The following KCNC3 variants were observed in gnomAD, a reference collection of about 807,000 sequenced individuals.
KCNC3 encodes potassium voltage-gated channel subfamily C member 3.
In KCNC3, 22 loss-of-function variants were observed where a neutral mutation model predicts 43.9. That is an observed-to-expected ratio of 0.50 (90% CI 0.36 to 0.72). The LOEUF (loss-of-function observed/expected upper bound fraction) is 0.72, where lower values mean the gene tolerates loss of function less well. Among genes scored for constraint, KCNC3 ranks in the 30% least tolerant of loss-of-function variants. KCNC3 has a pLI of 0.00. For missense variants in KCNC3, 829 were observed against 1,073.8 expected, an observed-to-expected ratio of 0.77 and a Z score of 3.19; for synonymous variants, 492 against 488.0, an observed-to-expected ratio of 1.01 and a Z score of -0.11.
Position 50,320,635 on chromosome 19 carries a change from G to C in KCNC3, c.2128C>G (p.Leu710Val). The stretch of plus-strand genomic sequence containing the variant: ...TCAGGGGAAGGGGCATAGTCGGTGA[G>C]GAGGAAGCAGGCTCGGTCCCGGCTA... ...RYSRDRACFL[L>V]TDYAPSPDGS... Residue 710 changes from leucine (L) to valine (V), a missense_variant, in exon 3 of 5, where the codon CTC (leucine) becomes GTC (valine). This residue lies in a region of KCNC3 where 308 missense variants were observed against 276.2 expected (regional missense o/e 1.11). Transcript: ENST00000477616. 1 of 1,613,132 alleles carries C rather than the reference G, an allele frequency of 6.2e-7. No individual in the cohort carries two copies. The highest frequency in any genetic ancestry group is 1.3e-5 in the African/African-American group (1 of 74,962).
Position 50,328,403 on chromosome 19 carries a change from T to G in KCNC3, c.680A>C (p.Glu227Ala). 7.7e-7 allele frequency: 1 copy of G among 1,290,750 alleles called. No homozygotes were observed. The highest frequency in any genetic ancestry group is 9.8e-7 in the Non-Finnish European group (1 of 1,021,950). 80.0% of individuals were successfully genotyped at this position (1,290,750 alleles called of 1,614,324 possible). Residue 227 changes from glutamate to alanine, a missense_variant, in exon 1 of 5, where the codon GAG (glutamate) becomes GCG (alanine). This residue lies in a region of KCNC3 where 60 missense variants were observed against 56.0 expected (regional missense o/e 1.07). Transcript: ENST00000477616. Reference protein sequence around the residue: ...AGAHDGGLDDEAGAGGGGLDG... With the variant: ...AGAHDGGLDDAAGAGGGGLDG... ...CAGGCCGCCGCCGCCCGCGCCCGCC[T>G]CGTCGTCCAGGCCTCCGTCGTGGGC...
chr19:50,316,003 AC>A lies in KCNC3; in HGVS notation c.*111del. 6.9e-6 allele frequency: 1 copy of A among 144,910 alleles called. No homozygotes were observed. Among genetic ancestry groups the A allele is most frequent in the Admixed American group, 1.0e-4 (1 of 9,862 alleles). The allele number at this position is 144,910 out of a possible 1,614,324, so 9.0% of individuals were successfully genotyped here. A position where few individuals can be genotyped will look rare whatever the true frequency, so the allele number is the denominator to read the frequency against. On this transcript the variant is annotated 3_prime_UTR_variant, in exon 5 of 5. Transcript: ENST00000477616. ...ATTTGAAGCCCAGTGTCTTGGGGAC[AC>A]CCCCTCCCAGCCATTCCCAATTGCT...
chr19:50,323,273 GTTC>G lies in KCNC3; in HGVS notation c.1677_1679del (p.Lys559del), dbSNP rs773187972. The G allele has an allele frequency of 3.1e-6, 5 of 1,607,670 alleles. No homozygotes were observed. Among genetic ancestry groups the G allele is most frequent in the African/African-American group, 1.3e-5 (1 of 75,046 alleles). On this transcript the variant is annotated inframe_deletion, in exon 2 of 5. Transcript: ENST00000477616. ...GTTGCGGGGGCCGGGGGATGTGTTT[GTTC>G]TTCTTCTTGGGCAGCTTCTGCTTGG...
At chr19:50,331,571 C>T (rs555572611), upstream of KCNC3, among the ~76,000 whole-genome samples, 5 of 125,640 alleles carry the variant, frequency 4.0e-5, no homozygotes, top group Admixed American at 1.6e-4. Context: ...TGTATTTCCC[C>T]CTCCTTCTTC....
chr19:50,332,998 ACT>A (rs916874742), upstream of KCNC3, among the ~76,000 whole-genome samples: 7 of 151,720 alleles, frequency 4.6e-5, no homozygotes, highest in African/African-American at 1.7e-4. This position sits in a 1 kb window ranked among gnomAD's most constrained non-coding sequence, Gnocchi z 5.8. Context: ...AAATGTGAGG[ACT>A]CTCTGCCTAC....
chr19:50,315,233 A>T lies in KCNC3; in HGVS notation c.*882T>A, dbSNP rs953872322. On this transcript the variant is annotated 3_prime_UTR_variant, in exon 5 of 5. Transcript: ENST00000477616. ...AGATGGACCAAGGAGATGGAGAGAG[A>T]AAGTGAACAAATCGGGGAGTCAGTC... 3.9e-5 allele frequency among the ~76,000 whole-genome samples: 6 copies of T among 151,952 alleles called. No homozygotes were observed. Among genetic ancestry groups the T allele is most frequent in the African/African-American group, 1.4e-4 (6 of 41,422 alleles).
rs759034288 is a variant in KCNC3, at chr19:50,323,399, C to T, written c.1554G>A (p.Leu518=). The part of the protein sequence containing the change: ...DMYPKTWSGM[L]VGALCALAGV... ...CCGCCAGGGCACACAGCGCCCCGAC[C>T]AGCATCCCCGACCACGTCTTGGGGT... The change falls in exon 2 of 5, where the codon CTG becomes CTA. Residue 518 remains leucine (L), a synonymous_variant. Coordinates refer to ENST00000477616, the MANE Select transcript of KCNC3 (RefSeq NM_004977.3). The T allele has an allele frequency of 3.1e-6, 5 of 1,614,084 alleles. No individual in the cohort carries two copies. The highest frequency in any genetic ancestry group is 4.5e-5 in the East Asian group (2 of 44,898).
intron 1 of KCNC3, among the ~76,000 whole-genome samples, chr19:50,326,023 G>A (rs1227633263): frequency 6.6e-6 from 1 of 152,214 alleles, no homozygotes; most frequent in East Asian, 1.9e-4. Context: ...AGGGGTAGGA[G>A]GGCATGGAGT....
Position 50,328,818 on chromosome 19 carries a change from T to C in KCNC3, c.265A>G (p.Lys89Glu). 6.6e-7 allele frequency: 1 copy of C among 1,512,428 alleles called. No homozygotes were observed. The highest frequency in any genetic ancestry group is 8.8e-7 in the Non-Finnish European group (1 of 1,134,914). 93.7% of individuals were successfully genotyped at this position (1,512,428 alleles called of 1,614,324 possible). A position where few individuals can be genotyped will look rare whatever the true frequency, so the allele number is the denominator to read the frequency against. Residue 89 changes from lysine (K) to glutamate (E), a missense_variant, in exon 1 of 5, where the codon AAG becomes GAG. This residue lies in a region of KCNC3 where 121 missense variants were observed against 247.4 expected (regional missense o/e 0.49). Transcript: ENST00000477616. ...RHGGGGGDSGKIVINVGGVRH... is the reference protein window; with the variant it reads ...RHGGGGGDSGEIVINVGGVRH... The stretch of plus-strand genomic sequence containing the variant: ...ACGCCGCCCACGTTGATCACGATCT[T>C]GCCGCTGTCGCCACCGCCGCCGCCG...
chr19:50,323,066 A>C lies in KCNC3; in HGVS notation c.1887T>G (p.Gly629=). Residue 629 remains glycine (G), a synonymous_variant, in exon 2 of 5, where the codon GGT becomes GGG. Transcript: ENST00000477616. ...THPGLLRGGA[G]GLGIMGLPPL... ...GAGGCAGCCCCATGATCCCCAGCCC[A>C]CCCGCTCCCCCCCTGAGCAGCCCGG... 6.5e-7 allele frequency: 1 copy of C among 1,537,736 alleles called. No homozygotes were observed. The highest frequency in any genetic ancestry group is 8.8e-7 in the Non-Finnish European group (1 of 1,142,454).
chr19:50,325,372 A>G (rs1327021130), intron 1 of KCNC3, among the ~76,000 whole-genome samples: 1 of 152,132 alleles, frequency 6.6e-6, no homozygotes, highest in Non-Finnish European at 1.5e-5. Flanking sequence ...CGGGGAGGCC[A>G]CTGCTGGACC....
intron 3 of KCNC3, 89 bp from the exon 4 acceptor site, chr19:50,320,438 G>A (rs982396660): frequency 1.6e-4 from 109 of 661,376 alleles, no homozygotes; most frequent in Middle Eastern, 3.1e-4. Flanking sequence ...AACTTGGGGC[G>A]GGGGTACAGG....
At chr19:50,332,771 C>G (rs888593465), upstream of KCNC3, among the ~76,000 whole-genome samples, 1 of 152,130 alleles carries the variant, frequency 6.6e-6, no homozygotes, top group Non-Finnish European at 1.5e-5. The surrounding 1 kb of genome is among the most constrained non-coding windows in gnomAD (Gnocchi z 5.8). Flanking sequence ...CCAATCCATC[C>G]GTTCCCAGGC....
chr19:50,327,177 G>A (rs1477847534), intron 1 of KCNC3, among the ~76,000 whole-genome samples: 2 of 151,168 alleles, frequency 1.3e-5, no homozygotes, highest in South Asian at 2.1e-4. Flanking sequence ...GAGAGGAGAA[G>A]CTGCGAGGAT....
rs1390520177 is a variant in KCNC3, at chr19:50,313,938, G to A, written c.*2177C>T. On this transcript the variant is annotated 3_prime_UTR_variant, in exon 5 of 5. Coordinates refer to ENST00000477616, the MANE Select transcript of KCNC3 (RefSeq NM_004977.3). ...AGGTTAAGTCGCAGGAGTGTGTGGGGATTGGGAGATGTGGCGTGCCAGGGT... is the reference window on the plus strand; with the variant it reads ...AGGTTAAGTCGCAGGAGTGTGTGGGAATTGGGAGATGTGGCGTGCCAGGGT... 2 of 152,102 alleles carry A rather than the reference G, an allele frequency of 1.3e-5. No homozygotes were observed. Among genetic ancestry groups the A allele is most frequent in the Non-Finnish European group, 2.9e-5 (2 of 68,040 alleles). 9.4% of individuals were successfully genotyped at this position (152,102 alleles called of 1,614,324 possible).
chr19:50,318,524 T>C (rs28479615), intron 4 of KCNC3, among the ~76,000 whole-genome samples: 17,409 of 152,118 alleles, frequency 0.11, 1,389 homozygotes, highest in African/African-American at 0.23. Flanking sequence ...CTGGAAACTT[T>C]TCCTGTAAAA....
chr19:50,331,895 C>T (rs2037193679), upstream of KCNC3, among the ~76,000 whole-genome samples: 1 of 152,122 alleles, frequency 6.6e-6, no homozygotes, highest in South Asian at 2.1e-4. Context: ...CCATCACCCT[C>T]TCTAACCCCC....
At position 50,320,576 on chromosome 19, in the gene KCNC3, T is replaced by C. The variant is rs201189412; in HGVS notation, c.2170+17A>G. Reference sequence around the variant, plus strand: ...GAGAGGGAGGGTCCCAGGGGATCAGTAGGGGGGGCACCTCACCTTTTCGGA... The same window carrying C: ...GAGAGGGAGGGTCCCAGGGGATCAGCAGGGGGGGCACCTCACCTTTTCGGA... On this transcript the variant is annotated intron_variant, in intron 3 of 4. Coordinates refer to ENST00000477616, the MANE Select transcript of KCNC3 (RefSeq NM_004977.3). 13 of 1,595,956 alleles carry C rather than the reference T, an allele frequency of 8.1e-6. No individual in the cohort carries two copies. Among genetic ancestry groups the C allele is most frequent in the Admixed American group, 3.4e-5 (2 of 58,722 alleles).
chr19:50,316,416 G>A (rs988816628), intron 4 of KCNC3, among the ~76,000 whole-genome samples: 2 of 151,956 alleles, frequency 1.3e-5, no homozygotes, highest in Non-Finnish European at 2.9e-5. Flanking sequence ...TGGAGGAAAG[G>A]AGGGTCTTGG....
Sources: gnomAD v4.1 joint callset for allele counts (sites outside exome capture counted in the v4.1 genomes callset) on GRCh38, gnomAD v4.1.1 for gene constraint, gnomAD v4.1.1 regional missense constraint, Gnocchi (gnomAD v3.1) non-coding constraint, MANE v1.5 for transcripts, NCBI Gene and HGNC (gene_info 2026-07-23, HGNC 2026-07-21) for gene names.